The following PTGIR variants were observed in gnomAD, a reference collection of about 807,000 sequenced individuals.
PTGIR encodes the protein prostaglandin I2 receptor.
In PTGIR, 16 loss-of-function variants were observed where a neutral mutation model predicts 17.6. The observed-to-expected ratio is 0.91, with a 90% confidence interval of 0.61 to 1.38. The LOEUF (loss-of-function observed/expected upper bound fraction) is 1.38, where lower values mean the gene tolerates loss of function less well. PTGIR is among the 40% of genes most tolerant of loss of function. The pLI, the probability that PTGIR is intolerant of heterozygous loss-of-function variation, is 0.00. For synonymous variants in PTGIR, 274 were observed against 255.4 expected (o/e 1.07, Z -0.69); for missense variants, 532 against 548.6 (o/e 0.97, Z 0.30).
At position 46,620,999 on chromosome 19, in the gene PTGIR, C is replaced by T. The variant is rs936172709; in HGVS notation, c.*281G>A. ...CTTCTCCGCCTTCTAAATATTTAGA[C>T]AATGAGATGGATGGGGAATCCAGGG... On this transcript the variant is annotated 3_prime_UTR_variant, in exon 3 of 3. Coordinates refer to ENST00000291294, the MANE Select transcript of PTGIR (RefSeq NM_000960.4). 5 of 1,133,720 alleles carry T rather than the reference C, an allele frequency of 4.4e-6. No individual in the cohort carries two copies. In the African/African-American group the frequency reaches 8.1e-5, roughly 18 times the overall value. The allele number at this position is 1,133,720 out of a possible 1,614,324, so 70.2% of individuals were successfully genotyped here. A position where few individuals can be genotyped will look rare whatever the true frequency, so the allele number is the denominator to read the frequency against.
intron 2 of PTGIR, chr19:46,622,033 T>A: frequency 3.0e-6 from 3 of 985,404 alleles, no homozygotes; most frequent in Non-Finnish European, 3.6e-6. Flanking sequence ...TGCCTGTGTG[T>A]ATCTGTCCAC....
At position 46,621,696 on chromosome 19, in the gene PTGIR, A is replaced by AG. The variant is rs1309911345; in HGVS notation, c.769-25dup. The AG allele has an allele frequency of 6.3e-7, 1 of 1,586,804 alleles. No homozygotes were observed. The highest frequency in any genetic ancestry group is 1.1e-5 in the South Asian group (1 of 88,070). On this transcript the variant is annotated intron_variant, in intron 2 of 2. Coordinates refer to ENST00000291294, the MANE Select transcript of PTGIR (RefSeq NM_000960.4). This position sits in a 1 kb window ranked among gnomAD's most constrained non-coding sequence, Gnocchi z 4.8. ...ATCTGAGGGCAGGGTGAGGGCGTCAAGGAGCACCCAGGAGTCCTCAGCCTC... is the reference window on the plus strand; with the variant it reads ...ATCTGAGGGCAGGGTGAGGGCGTCAAGGGAGCACCCAGGAGTCCTCAGCCTC...
downstream of PTGIR, among the ~76,000 whole-genome samples, chr19:46,619,618 A>AAAG (rs1453249839): frequency 4.5e-5 from 6 of 133,418 alleles, no homozygotes; most frequent in Middle Eastern, 4.0e-3. Flanking sequence ...AGAAAGAAAG[A>AAAG]AAGAAAGAAA....
In PTGIR at chr19:46,621,668, C is replaced by G; in HGVS notation, c.773G>C (p.Arg258Pro). The G allele has an allele frequency of 1.2e-6, 2 of 1,610,806 alleles. No individual in the cohort carries two copies. Among genetic ancestry groups the G allele is most frequent in the Non-Finnish European group, 1.7e-6 (2 of 1,178,496 alleles). ...MAVCSLPLTI[R>P]CFTQAVAPDS... ...AGGGGCGACAGCCTGGGTGAAGCAGCGGATCTGAGGGCAGGGTGAGGGCGT... is the reference window on the plus strand; with the variant it reads ...AGGGGCGACAGCCTGGGTGAAGCAGGGGATCTGAGGGCAGGGTGAGGGCGT... The change falls in exon 3 of 3, where the codon CGC (arginine) becomes CCC (proline). Residue 258 changes from arginine (R) to proline (P), a missense_variant. Arg to Pro is a moderately radical substitution (Grantham distance 103, BLOSUM62 -2). Coordinates refer to ENST00000291294, the MANE Select transcript of PTGIR (RefSeq NM_000960.4). This position sits in a 1 kb window ranked among gnomAD's most constrained non-coding sequence, Gnocchi z 4.8.
chr19:46,612,807 G>C, the PTGIR span, among the ~76,000 whole-genome samples: 2 of 152,064 alleles, frequency 1.3e-5, no homozygotes, highest in Admixed American at 6.6e-5. Context: ...ATGGGCTGTG[G>C]TTTCCCACAG....
chr19:46,613,057 T>TTTTTTTTG, the PTGIR span, among the ~76,000 whole-genome samples: 1 of 93,456 alleles, frequency 1.1e-5, no homozygotes, highest in Non-Finnish European at 2.0e-5. Context: ...TTTTTTTTTT[T>TTTTTTTTG]TTTGAGATGG....
chr19:46,622,233 C>G (rs189436672), intron 2 of PTGIR: 1 of 985,372 alleles, frequency 1.0e-6, no homozygotes, highest in Admixed American at 6.1e-5. Flanking sequence ...AGGACGGGGT[C>G]CCCGCAGGAA....
intron 2 of PTGIR, chr19:46,622,642 C>T (rs142037764): frequency 2.0e-5 from 3 of 152,778 alleles, no homozygotes; most frequent in Non-Finnish European, 2.9e-5. Flanking sequence ...TGCAGAAAGA[C>T]CCCTCCAGAA....
At chr19:46,620,390 T>C (rs1478910490), downstream of PTGIR, 5 of 973,634 alleles carry the variant, frequency 5.1e-6, no homozygotes, top group Non-Finnish European at 6.1e-6. Context: ...GCATGTGCTA[T>C]GGTGCCCAGC....
chr19:46,620,855 T>C lies in PTGIR; in HGVS notation c.*425A>G. ...GGGGCTGGCTCTTGGAGTGGCTTGG[T>C]AGAGGGGGAGGGCCATCCCCTGGGG... On this transcript the variant is annotated 3_prime_UTR_variant, in exon 3 of 3. Transcript: ENST00000291294. 1 of 989,476 alleles carries C rather than the reference T, an allele frequency of 1.0e-6. No homozygotes were observed. The highest frequency in any genetic ancestry group is 1.2e-6 in the Non-Finnish European group (1 of 832,710). The allele number at this position is 989,476 out of a possible 1,614,324, so 61.3% of individuals were successfully genotyped here. A position where few individuals can be genotyped will look rare whatever the true frequency, so the allele number is the denominator to read the frequency against.
At chr19:46,619,604 G>A (rs760455491), downstream of PTGIR, among the ~76,000 whole-genome samples, 435 of 67,142 alleles carry the variant, frequency 6.5e-3, 8 homozygotes, top group Non-Finnish European at 8.6e-3. Context: ...AAGAAAGAAA[G>A]GAAAGAAAGA....
chr19:46,620,901 C>T lies in PTGIR; in HGVS notation c.*379G>A, dbSNP rs200975566. ...TGGGGACTTGGGGTGGGCAGTTGGG[C>T]CTCCTAAGTGGACGCAGATTGGAGC... On this transcript the variant is annotated 3_prime_UTR_variant, in exon 3 of 3. Transcript: ENST00000291294. 45 of 998,808 alleles carry T rather than the reference C, an allele frequency of 4.5e-5. No individual in the cohort carries two copies. The highest frequency in any genetic ancestry group is 5.2e-5 in the Non-Finnish European group (44 of 839,080). The allele number at this position is 998,808 out of a possible 1,614,324, so 61.9% of individuals were successfully genotyped here.
chr19:46,611,084 G>C, the PTGIR span, among the ~76,000 whole-genome samples: 105 of 152,338 alleles, frequency 6.9e-4, no homozygotes, highest in African/African-American at 2.5e-3. Flanking sequence ...GGAGCACACA[G>C]AGAAGGGGTC....
chr19:46,618,037 C>T (rs9710347), downstream of PTGIR, among the ~76,000 whole-genome samples: 15,852 of 130,120 alleles, frequency 0.12, 1,244 homozygotes, highest in African/African-American at 0.2. Context: ...TTTTTTGAGA[C>T]GGAGTCTGGC....
At chr19:46,615,829 T>G (rs1364289518), downstream of PTGIR, among the ~76,000 whole-genome samples, 1 of 150,324 alleles carries the variant, frequency 6.7e-6, no homozygotes, top group African/African-American at 2.5e-5. Flanking sequence ...TTAGACAGAG[T>G]CTCGCTCTGT....
In PTGIR at chr19:46,622,246, C is replaced by A. The variant is rs1351718792; in HGVS notation, c.769-574G>T. 3 of 985,208 alleles carry A rather than the reference C, an allele frequency of 3.0e-6. No individual in the cohort carries two copies. The Admixed American group carries it at 1.8e-4, about 61-fold the overall frequency. The allele number at this position is 985,208 out of a possible 1,614,324, so 61.0% of individuals were successfully genotyped here. ...GCAGGACGGGGTCCCCGCAGGAAAC[C>A]GAGGTGCAGAGGCAAGGGTGGGGCC... is the stretch of plus-strand genomic sequence containing the variant. On this transcript the variant is annotated intron_variant, in intron 2 of 2. Transcript: ENST00000291294.
In PTGIR at chr19:46,621,361, C is replaced by T; in HGVS notation, c.1080G>A (p.Leu360=). The change falls in exon 3 of 3, where the codon TTG becomes TTA. Residue 360 remains leucine (L), a synonymous_variant. Transcript: ENST00000291294. The surrounding 1 kb of genome is among the most constrained non-coding windows in gnomAD (Gnocchi z 4.8). ...TGCCGCTGGACTGCTGTGTGGGAGG[C>T]AAGGGCTCCACCTGCCCCTCGCCCC... is the stretch of plus-strand genomic sequence containing the variant. ...SAWGEGQVEP[L]PPTQQSSGSA... is the part of the protein sequence containing the mutation. 2 of 1,560,926 alleles carry T rather than the reference C, an allele frequency of 1.3e-6. No homozygotes were observed. Among genetic ancestry groups the T allele is most frequent in the Admixed American group, 1.9e-5 (1 of 54,052 alleles).
the PTGIR span, among the ~76,000 whole-genome samples, chr19:46,614,629 C>T: frequency 2.9e-4 from 44 of 152,240 alleles, no homozygotes; most frequent in African/African-American, 1.0e-3. Context: ...ATAATCCCAG[C>T]ACTTTGGGAG....
At chr19:46,618,076 G>C (rs567717568), downstream of PTGIR, among the ~76,000 whole-genome samples, 47 of 144,650 alleles carry the variant, frequency 3.2e-4, no homozygotes, top group Non-Finnish European at 5.5e-4. Context: ...GCGCTGTGGC[G>C]TGATCTCGGC....
Sources: gnomAD v4.1 joint callset for allele counts (sites outside exome capture counted in the v4.1 genomes callset) on GRCh38, gnomAD v4.1.1 for gene constraint, Gnocchi (gnomAD v3.1) non-coding constraint, MANE v1.5 for transcripts, NCBI Gene and HGNC (gene_info 2026-07-23, HGNC 2026-07-21) for gene names.